Variants in MITF observed in about 807,000 individuals in gnomAD.
The protein encoded by MITF is melanocyte inducing transcription factor.
MITF carries 17 observed loss-of-function variants against 60.5 expected under a neutral mutation model. The observed-to-expected ratio is 0.28, with a 90% CI of 0.19 to 0.42. MITF has a LOEUF of 0.42. Among genes scored for constraint, MITF ranks in the 10% least tolerant of loss-of-function variants. The pLI, the probability that MITF is intolerant of heterozygous loss-of-function variation, is 1.00. For synonymous variants in MITF, 260 were observed against 248.5 expected (o/e 1.05, Z -0.43); for missense variants, 622 against 683.5 (o/e 0.91, Z 1.00).
intron 1 of MITF, among the ~76,000 whole-genome samples, chr3:69,753,735 C>A (rs1304614916): frequency 6.6e-6 from 1 of 152,230 alleles, no homozygotes; most frequent in Non-Finnish European, 1.5e-5. Context: ...GGGTTTTGGA[C>A]TTGCATGGAG....
intron 2 of MITF, among the ~76,000 whole-genome samples, chr3:69,908,827 A>C (rs2107377837): frequency 6.6e-6 from 1 of 152,330 alleles, no homozygotes; most frequent in African/African-American, 2.4e-5. Context: ...TACGTGAGCT[A>C]ACACAGTCTT....
At chr3:69,742,165 A>G (rs977665812) in intron 1 of MITF, among the ~76,000 whole-genome samples, 21 of 152,008 alleles carry the variant, frequency 1.4e-4, no homozygotes, top group African/African-American at 5.1e-4. Context: ...AGTAGCCACA[A>G]TGTTCCTGTT....
intron 1 of MITF, among the ~76,000 whole-genome samples, chr3:69,810,591 T>C (rs536257974): frequency 2.8e-4 from 43 of 152,322 alleles, no homozygotes; most frequent in Non-Finnish European, 5.3e-4. Flanking sequence ...ACATGTAATT[T>C]CAACATTATC....
At chr3:69,795,186 GTAAA>G (rs2062808184) in intron 1 of MITF, among the ~76,000 whole-genome samples, 1 of 152,104 alleles carries the variant, frequency 6.6e-6, no homozygotes, top group South Asian at 2.1e-4. Flanking sequence ...TGATGCTGTT[GTAAA>G]TAGATTTTCT....
At chr3:69,941,017 G>T (rs1318391271) in intron 4 of MITF, among the ~76,000 whole-genome samples, 2 of 152,158 alleles carry the variant, frequency 1.3e-5, no homozygotes, top group Non-Finnish European at 1.5e-5. Flanking sequence ...CTCATTAAAT[G>T]CTGGCTACAA....
At chr3:69,938,589 C>G (rs1489673374) in intron 3 of MITF, 2 of 1,372,728 alleles carry the variant, frequency 1.5e-6, no homozygotes, top group Non-Finnish European at 1.9e-6. Context: ...TGGATACATT[C>G]TGTTTCATAA....
chr3:69,781,065 T>C (rs2062555431), intron 1 of MITF, among the ~76,000 whole-genome samples: 2 of 152,084 alleles, frequency 1.3e-5, no homozygotes, highest in African/African-American at 4.8e-5. Context: ...AACCACATAA[T>C]AGTGAGTTTT....
At chr3:69,745,023 C>G (rs1451419322) in intron 1 of MITF, among the ~76,000 whole-genome samples, 1 of 152,036 alleles carries the variant, frequency 6.6e-6, no homozygotes, top group Non-Finnish European at 1.5e-5. Context: ...CCTATTTAAT[C>G]TTTGTGAAAT....
intron 1 of MITF, among the ~76,000 whole-genome samples, chr3:69,784,909 C>A (rs1371564327): frequency 6.6e-6 from 1 of 152,132 alleles, no homozygotes; most frequent in Non-Finnish European, 1.5e-5. Context: ...ATTGAAGATC[C>A]CCAGGGAAAT....
chr3:69,785,408 C>A (rs2106892277), intron 1 of MITF, among the ~76,000 whole-genome samples: 1 of 152,256 alleles, frequency 6.6e-6, no homozygotes, highest in African/African-American at 2.4e-5. Context: ...GAGCTCGGTA[C>A]CATCTTTCAT....
At chr3:69,954,141 C>T (rs1418594921) in intron 7 of MITF, among the ~76,000 whole-genome samples, 2 of 152,074 alleles carry the variant, frequency 1.3e-5, no homozygotes, top group African/African-American at 4.8e-5. Flanking sequence ...AAATGTAGTA[C>T]ACCTAAATAT....
At chr3:69,757,988 C>T (rs995293558) in intron 1 of MITF, among the ~76,000 whole-genome samples, 2 of 141,734 alleles carry the variant, frequency 1.4e-5, no homozygotes, top group Admixed American at 1.4e-4. Flanking sequence ...CCTGGAGTTA[C>T]CCTAGGGCAT....
chr3:69,944,473 G>A (rs1426322133), intron 5 of MITF, among the ~76,000 whole-genome samples: 1 of 152,128 alleles, frequency 6.6e-6, no homozygotes, highest in Non-Finnish European at 1.5e-5. Flanking sequence ...GCCACCCTTA[G>A]AAGTCACTGA....
intron 1 of MITF, among the ~76,000 whole-genome samples, chr3:69,776,194 A>G (rs1349227267): frequency 6.6e-6 from 1 of 152,244 alleles, no homozygotes; most frequent in Non-Finnish European, 1.5e-5. Context: ...ACCCTGGGCC[A>G]CTGAATTAAC....
At chr3:69,789,199 C>G (rs2062700554) in intron 1 of MITF, among the ~76,000 whole-genome samples, 1 of 152,080 alleles carries the variant, frequency 6.6e-6, no homozygotes, top group Non-Finnish European at 1.5e-5. Context: ...ACTGCAGAGA[C>G]AAACTGCAGA....
chr3:69,958,023 C>A (rs1211067170), intron 8 of MITF, among the ~76,000 whole-genome samples: 1 of 151,994 alleles, frequency 6.6e-6, no homozygotes, highest in Non-Finnish European at 1.5e-5. Context: ...ATTCACTATT[C>A]TGTGAAAAAA....
At chr3:69,913,630 G>A (rs1400125241) in intron 2 of MITF, among the ~76,000 whole-genome samples, 1 of 152,128 alleles carries the variant, frequency 6.6e-6, no homozygotes, top group African/African-American at 2.4e-5. Flanking sequence ...ATTTATGATG[G>A]TGCAGTCTAC....
intron 1 of MITF, among the ~76,000 whole-genome samples, chr3:69,867,627 T>C (rs2064141635): frequency 6.6e-6 from 1 of 152,184 alleles, no homozygotes; most frequent in African/African-American, 2.4e-5. Context: ...TTTTGCCTTA[T>C]TAATGAGATA....
chr3:69,850,294 A>G (rs952271001), intron 1 of MITF, among the ~76,000 whole-genome samples: 8 of 152,220 alleles, frequency 5.3e-5, no homozygotes, highest in Admixed American at 3.3e-4. Context: ...CTAGATTCCA[A>G]CTGTGCCTTG....
Sources: gnomAD v4.1 joint callset for allele counts (sites outside exome capture counted in the v4.1 genomes callset) on GRCh38, gnomAD v4.1.1 for gene constraint, MANE v1.5 for transcripts, NCBI Gene and HGNC (gene_info 2026-07-23, HGNC 2026-07-21) for gene names.